LSAMP: variants seen among roughly 807,000 people sequenced by gnomAD.
LSAMP encodes limbic system-associated membrane protein.
In LSAMP, 7 loss-of-function variants were observed where a neutral mutation model predicts 38.6. That is an observed-to-expected ratio of 0.18 (90% CI 0.10 to 0.34). The LOEUF (loss-of-function observed/expected upper bound fraction) is 0.34. LSAMP is among the 10% of genes least tolerant of loss of function. The probability of loss-of-function intolerance (pLI) is 1.00; values close to 1 mark genes in which losing one functional copy is unlikely to be tolerated. For synonymous variants in LSAMP, 154 were observed against 166.8 expected, an observed-to-expected ratio of 0.92 and a Z score of 0.59; for missense variants, 313 against 420.0, an observed-to-expected ratio of 0.75 and a Z score of 2.23.
At chr3:116,023,119 G>T (rs551387793) in intron 2 of LSAMP, among the ~76,000 whole-genome samples, 1 of 151,756 alleles carries the variant, frequency 6.6e-6, no homozygotes, top group African/African-American at 2.4e-5. Flanking sequence ...TTATATAAGC[G>T]TGATGTATAT....
intron 3 of LSAMP, among the ~76,000 whole-genome samples, chr3:115,864,312 T>G (rs1280182163): frequency 6.6e-6 from 1 of 152,142 alleles, no homozygotes; most frequent in Non-Finnish European, 1.5e-5. Context: ...GCACTCCAGT[T>G]CCCAGCTGGG....
intron 3 of LSAMP, among the ~76,000 whole-genome samples, chr3:115,976,649 A>G (rs546155798): frequency 2.0e-5 from 3 of 152,258 alleles, no homozygotes; most frequent in Admixed American, 2.0e-4. Flanking sequence ...TTGAATTGTA[A>G]TCCCCAATGT....
In LSAMP at chr3:115,803,655, G is replaced by A. The variant is rs553613793; in HGVS notation, c.*6662C>T. On this transcript the variant is annotated 3_prime_UTR_variant, in exon 7 of 7. Coordinates refer to ENST00000490035, the MANE Select transcript of LSAMP (RefSeq NM_002338.5). ...TGTCTTCTTTAAATAGAATTGACTT[G>A]TACTTTTTGAAAACAATACTTGTTT... 9 of 152,130 alleles carry A rather than the reference G, an allele frequency of 5.9e-5. No individual in the cohort carries two copies. The South Asian group carries it at 1.5e-3, about 25-fold the overall frequency. The allele number at this position is 152,130 out of a possible 1,614,324, so 9.4% of individuals were successfully genotyped here.
Position 116,104,652 on chromosome 3 carries a change from A to C in LSAMP, c.156-18096T>G, listed in dbSNP as rs146300910. 5.3e-3 allele frequency among the ~76,000 whole-genome samples: 808 copies of C among 152,328 alleles called. 3 individuals are homozygous for C. Among genetic ancestry groups the C allele is most frequent in the African/African-American group, 0.019 (770 of 41,570 alleles). On this transcript the variant is annotated intron_variant, in intron 1 of 6. Coordinates refer to ENST00000490035, the MANE Select transcript of LSAMP (RefSeq NM_002338.5). ...GCACAGGACTAAGATAGTGTAGAAA[A>C]TAATATATTTCTTACAGTATCATTC...
chr3:116,382,739 T>A (rs1038720152), intron 1 of LSAMP, among the ~76,000 whole-genome samples: 1 of 152,140 alleles, frequency 6.6e-6, no homozygotes, highest in Non-Finnish European at 1.5e-5. Context: ...TACATATTTT[T>A]AAAAAATCTT....
chr3:116,167,544 C>T (rs1422478087), intron 1 of LSAMP, among the ~76,000 whole-genome samples: 3 of 152,206 alleles, frequency 2.0e-5, no homozygotes, highest in Non-Finnish European at 4.4e-5. Flanking sequence ...GATTGTCTAT[C>T]TATCCATCCA....
chr3:116,180,273 ATATAAT>A (rs1411352466), intron 1 of LSAMP, among the ~76,000 whole-genome samples: 4 of 152,154 alleles, frequency 2.6e-5, no homozygotes, highest in Admixed American at 2.0e-4. Flanking sequence ...TCAAATGAAC[ATATAAT>A]TATAACTATA....
At chr3:116,145,607 T>C (rs1416594825) in intron 1 of LSAMP, among the ~76,000 whole-genome samples, 2 of 151,974 alleles carry the variant, frequency 1.3e-5, no homozygotes, top group African/African-American at 4.8e-5. Flanking sequence ...CCCCAAAAAA[T>C]ACCTTCACAG....
intron 1 of LSAMP, among the ~76,000 whole-genome samples, chr3:116,116,148 A>T (rs1394306920): frequency 7.0e-6 from 1 of 142,008 alleles, no homozygotes; most frequent in African/African-American, 2.6e-5. Flanking sequence ...TTCGTGAGAC[A>T]TTTTCTCAGC....
At chr3:116,436,419 G>C (rs929189271) in intron 1 of LSAMP, among the ~76,000 whole-genome samples, 3 of 152,152 alleles carry the variant, frequency 2.0e-5, no homozygotes, top group Non-Finnish European at 4.4e-5. Context: ...ACAACCCACA[G>C]ACTGGGAGAA....
intron 1 of LSAMP, among the ~76,000 whole-genome samples, chr3:116,162,892 C>T (rs935148041): frequency 6.6e-6 from 1 of 151,566 alleles, no homozygotes; most frequent in African/African-American, 2.4e-5. Context: ...CTTTGTTCTC[C>T]CTCTCAAGGT....
chr3:116,194,431 G>C (rs1710830227), intron 1 of LSAMP, among the ~76,000 whole-genome samples: 1 of 152,176 alleles, frequency 6.6e-6, no homozygotes, highest in Non-Finnish European at 1.5e-5. Context: ...GTCTCGCTCT[G>C]TCGCCCAGGC....
intron 1 of LSAMP, among the ~76,000 whole-genome samples, chr3:116,406,225 G>GC (rs2048895456): frequency 6.6e-6 from 1 of 152,048 alleles, no homozygotes; most frequent in South Asian, 2.1e-4. Context: ...GCATGAAGCA[G>GC]TACAGGCCAC....
chr3:116,204,532 T>G (rs1014242330), intron 1 of LSAMP, among the ~76,000 whole-genome samples: 4 of 150,740 alleles, frequency 2.7e-5, no homozygotes, highest in Non-Finnish European at 6.0e-5. Flanking sequence ...TTTATGGTTT[T>G]AGGTCTAACA....
At chr3:116,244,622 C>T (rs887294887) in intron 1 of LSAMP, among the ~76,000 whole-genome samples, 3 of 152,196 alleles carry the variant, frequency 2.0e-5, no homozygotes, top group African/African-American at 7.2e-5. Flanking sequence ...CACACAGCAT[C>T]TTGTATTAAT....
intron 1 of LSAMP, among the ~76,000 whole-genome samples, chr3:116,161,028 C>A (rs1709875201): frequency 6.6e-6 from 1 of 152,162 alleles, no homozygotes; most frequent in Non-Finnish European, 1.5e-5. Context: ...TGGGGCTATG[C>A]AATACTTAAA....
chr3:116,036,467 T>G (rs1243553325), intron 2 of LSAMP, among the ~76,000 whole-genome samples: 1 of 152,112 alleles, frequency 6.6e-6, no homozygotes, highest in African/African-American at 2.4e-5. Flanking sequence ...CAGTTCAGAG[T>G]CAGAAATTGA....
intron 3 of LSAMP, among the ~76,000 whole-genome samples, chr3:116,018,727 CA>C (rs1940552866): frequency 6.6e-6 from 1 of 152,006 alleles, no homozygotes; most frequent in South Asian, 2.1e-4. Context: ...ATAATTTGCT[CA>C]AACATTTAAA....
intron 4 of LSAMP, 72 bp from the exon 5 acceptor site, chr3:115,842,650 A>C: frequency 6.3e-7 from 1 of 1,578,500 alleles, no homozygotes; most frequent in African/African-American, 1.3e-5. Context: ...GGAAGGAATG[A>C]AGAAGGACAA....
Sources: allele counts gnomAD v4.1 joint callset (sites outside exome capture counted in the v4.1 genomes callset), GRCh38; gene constraint gnomAD v4.1.1; transcripts MANE v1.5; gene names NCBI Gene and HGNC (gene_info 2026-07-23, HGNC 2026-07-21).